Variants in TACR1 observed in about 807,000 individuals in gnomAD.
The protein encoded by TACR1 is tachykinin receptor 1.
TACR1 carries 25 observed loss-of-function variants against 35.8 expected under a neutral mutation model. The observed-to-expected ratio is 0.70, with a 90% CI of 0.51 to 0.98. The LOEUF (loss-of-function observed/expected upper bound fraction) is 0.98. Ranked by LOEUF, TACR1 falls within the 50% of genes least tolerant of loss-of-function variation. TACR1 has a pLI of 0.00. For missense variants in TACR1, 478 were observed against 522.9 expected (o/e 0.91, Z 0.84); for synonymous variants, 195 against 206.7 (o/e 0.94, Z 0.48).
At chr2:75,173,344 A>G (rs1470858529) in intron 1 of TACR1, among the ~76,000 whole-genome samples, 1 of 152,212 alleles carries the variant, frequency 6.6e-6, no homozygotes, top group East Asian at 1.9e-4. Flanking sequence ...CTGCCAGATT[A>G]ATCTGGAAGT....
At chr2:75,077,879 A>G (rs143307302) in intron 2 of TACR1, among the ~76,000 whole-genome samples, 4 of 152,308 alleles carry the variant, frequency 2.6e-5, no homozygotes. Flanking sequence ...AATTTTAGTC[A>G]GTCCAAGCTC....
chr2:75,155,989 A>C (rs1674841106), intron 1 of TACR1, among the ~76,000 whole-genome samples: 1 of 152,282 alleles, frequency 6.6e-6, no homozygotes, highest in Non-Finnish European at 1.5e-5. Flanking sequence ...AATAAAAAGA[A>C]GACTATTTCA....
Position 75,082,953 on chromosome 2 carries a change from G to T in TACR1, c.585-29198C>A, listed in dbSNP as rs968817202. Among the ~76,000 whole-genome samples the T allele has an allele frequency of 5.9e-5, 9 of 152,130 alleles. No homozygotes were observed. The East Asian group carries it at 1.4e-3, about 23-fold the overall frequency. ...AATTAGATCCCATTTGTCAATTTTG[G>T]CTTTTGTTGCCATTGCTTTTGGTGT... On this transcript the variant is annotated intron_variant, in intron 2 of 4. Transcript: ENST00000305249.
chr2:75,164,099 G>A (rs1385951955), intron 1 of TACR1, among the ~76,000 whole-genome samples: 5 of 151,996 alleles, frequency 3.3e-5, no homozygotes, highest in Admixed American at 6.6e-5. Context: ...AGGCCGAGGC[G>A]GATGGTTCAC....
intron 1 of TACR1, among the ~76,000 whole-genome samples, chr2:75,129,030 A>T (rs967444461): frequency 6.6e-6 from 1 of 152,182 alleles, no homozygotes; most frequent in Non-Finnish European, 1.5e-5. Flanking sequence ...GGTTTATAGA[A>T]ATTTGACTGG....
intron 2 of TACR1, among the ~76,000 whole-genome samples, chr2:75,113,545 TTTTTTTTTTTTACTTTGTTCACTCTGA>T (rs1385542714): frequency 6.8e-6 from 1 of 147,838 alleles, no homozygotes; most frequent in Non-Finnish European, 1.5e-5. Flanking sequence ...TTTTTTTTTT[TTTTTTTTTTTTACTTTGTTCACTCTGA>T]TTTCTGTCTG....
At chr2:75,146,350 T>G (rs1674512323) in intron 1 of TACR1, among the ~76,000 whole-genome samples, 1 of 152,298 alleles carries the variant, frequency 6.6e-6, no homozygotes, top group Non-Finnish European at 1.5e-5. Flanking sequence ...CTCGAACTCC[T>G]GACCTCAGGC....
intron 3 of TACR1, among the ~76,000 whole-genome samples, chr2:75,051,949 G>A (rs563548882): frequency 1.4e-4 from 22 of 152,284 alleles, no homozygotes; most frequent in Non-Finnish European, 2.9e-4. Flanking sequence ...GTGGGACAAG[G>A]GGAGATGCAG....
chr2:75,138,729 G>A (rs746204008), intron 1 of TACR1, among the ~76,000 whole-genome samples: 1 of 151,878 alleles, frequency 6.6e-6, no homozygotes, highest in Non-Finnish European at 1.5e-5. Context: ...CTTGATCCAT[G>A]GCTGGGTGGT....
intron 1 of TACR1, among the ~76,000 whole-genome samples, chr2:75,180,242 T>C (rs2104044942): frequency 6.6e-6 from 1 of 152,324 alleles, no homozygotes; most frequent in South Asian, 2.1e-4. Context: ...TTATAGTTTA[T>C]TGCTTGGTGT....
chr2:75,133,635 T>C (rs1674221614), intron 1 of TACR1, among the ~76,000 whole-genome samples: 2 of 152,196 alleles, frequency 1.3e-5, no homozygotes, highest in Non-Finnish European at 2.9e-5. Context: ...ACCTTTGGTT[T>C]GCTTTTTATC....
At chr2:75,092,204 A>T (rs1406795987) in intron 2 of TACR1, among the ~76,000 whole-genome samples, 1 of 152,074 alleles carries the variant, frequency 6.6e-6, no homozygotes, top group Non-Finnish European at 1.5e-5. Context: ...CTTAATATTC[A>T]CATTCTGAGT....
intron 1 of TACR1, among the ~76,000 whole-genome samples, chr2:75,143,645 GGAAGA>G (rs1382386918): frequency 1.3e-5 from 2 of 152,140 alleles, no homozygotes; most frequent in South Asian, 2.1e-4. Flanking sequence ...TATGGCACAG[GGAAGA>G]TTACTAACTC....
chr2:75,189,559 T>C (rs1675793920), intron 1 of TACR1: 1 of 152,220 alleles, frequency 6.6e-6, no homozygotes, highest in South Asian at 2.1e-4. Context: ...AGATTTGCAA[T>C]TTTAAGTGTA....
intron 2 of TACR1, among the ~76,000 whole-genome samples, chr2:75,068,195 C>T (rs938240027): frequency 1.4e-5 from 2 of 147,900 alleles, no homozygotes; most frequent in Admixed American, 1.4e-4. Context: ...ATTTGCAAGG[C>T]AGGCTGGTAG....
chr2:75,167,177 T>C (rs1038428451), intron 1 of TACR1, among the ~76,000 whole-genome samples: 5 of 152,214 alleles, frequency 3.3e-5, no homozygotes, highest in Non-Finnish European at 5.9e-5. Flanking sequence ...AACTTAAAAA[T>C]GGAAGGCTTA....
At chr2:75,065,968 A>C (rs188908956) in intron 2 of TACR1, among the ~76,000 whole-genome samples, 1 of 152,332 alleles carries the variant, frequency 6.6e-6, no homozygotes, top group East Asian at 1.9e-4. Context: ...CTAAGTGCCC[A>C]TTCTCTTTGC....
Position 75,078,064 on chromosome 2 carries a change from G to A in TACR1, c.585-24309C>T, listed in dbSNP as rs1673013299. 2.0e-5 allele frequency among the ~76,000 whole-genome samples: 3 copies of A among 152,136 alleles called. No homozygotes were observed. In the South Asian group the frequency reaches 6.2e-4, roughly 32 times the overall value. On this transcript the variant is annotated intron_variant, in intron 2 of 4. Coordinates refer to ENST00000305249, the MANE Select transcript of TACR1 (RefSeq NM_001058.4). Reference sequence around the variant, plus strand: ...GTAACTGCTATTACTGCAGCAGGACGGTGTTTCAAATCAAGAGTGAGGGGG... The same window carrying A: ...GTAACTGCTATTACTGCAGCAGGACAGTGTTTCAAATCAAGAGTGAGGGGG...
chr2:75,120,582 A>G lies in TACR1; in HGVS notation c.576T>C (p.Tyr192=), dbSNP rs201688433. The G allele has an allele frequency of 5.6e-6, 9 of 1,601,520 alleles. No individual in the cohort carries two copies. Among genetic ancestry groups the G allele is most frequent in the South Asian group, 1.1e-5 (1 of 89,260 alleles). Residue 192 remains tyrosine (Y), a synonymous_variant, in exon 2 of 5, where the codon TAT becomes TAC. Coordinates refer to ENST00000305249, the MANE Select transcript of TACR1 (RefSeq NM_001058.4). The part of the protein sequence containing the change: ...IEWPEHPNKI[Y]EKVYHICVTV... ...GAGTCATCTCTACTCACACTTTCTCATAAATCTTGTTCGGATGCTCTGGCC... is the reference window on the plus strand; with the variant it reads ...GAGTCATCTCTACTCACACTTTCTCGTAAATCTTGTTCGGATGCTCTGGCC...
Sources: allele counts gnomAD v4.1 joint callset (sites outside exome capture counted in the v4.1 genomes callset), GRCh38; gene constraint gnomAD v4.1.1; transcripts MANE v1.5; gene names NCBI Gene and HGNC (gene_info 2026-07-23, HGNC 2026-07-21).